Variants in IDO2 observed in about 807,000 individuals in gnomAD.
The protein encoded by IDO2 is indoleamine 2,3-dioxygenase-like 1 protein.
In IDO2, 46 loss-of-function variants were observed where a neutral mutation model predicts 45.1. That is an observed-to-expected ratio of 1.02 (90% CI 0.80 to 1.30). The LOEUF is 1.30. Ranked by LOEUF, IDO2 falls within the 50% of genes most tolerant of loss-of-function variation. The pLI, the probability that IDO2 is intolerant of heterozygous loss-of-function variation, is 0.00. For synonymous variants in IDO2, 218 were observed against 184.9 expected (o/e 1.18, Z -1.45); for missense variants, 544 against 491.8 (o/e 1.11, Z -1.00).
rs773759708 is a variant in IDO2, at chr8:39,961,855, CTCT to C, written c.100-1745_100-1743del. ...TAAACATGGAAATCATCCTCAATTC[CTCT>C]TCTTCTTAGCCCAAAAATTCAATTG... On this transcript the variant is annotated intron_variant, in intron 2 of 10. Transcript: ENST00000502986. 3.9e-5 allele frequency among the ~76,000 whole-genome samples: 6 copies of C among 152,298 alleles called. No homozygotes were observed. The East Asian group carries it at 1.2e-3, about 29-fold the overall frequency.
At chr8:39,949,031 C>T in intron 1 of IDO2, 118 bp from the exon 2 acceptor site, 2 of 1,335,708 alleles carry the variant, frequency 1.5e-6, no homozygotes, top group East Asian at 2.6e-5. Context: ...AATTCAACCT[C>T]AGGGAAAAGT....
chr8:39,979,160 C>T lies in IDO2; in HGVS notation c.289C>T (p.Gln97Ter). 1 of 1,598,234 alleles carries T rather than the reference C, an allele frequency of 6.3e-7. No individual in the cohort carries two copies. The stretch of plus-strand genomic sequence containing the variant: ...CTTCCTCACCATGGGTTATGTCTGG[C>T]AGGAAGGAGAGGCGCAGCCTGCAGA... The change falls in exon 4 of 11, where the codon CAG becomes TAG. Residue 97 changes from glutamine to a stop codon, truncating the protein, a stop_gained. Transcript: ENST00000502986. LOFTEE classifies it high-confidence loss of function.
At chr8:39,992,957 T>C (rs925821852) in intron 8 of IDO2, among the ~76,000 whole-genome samples, 4 of 152,132 alleles carry the variant, frequency 2.6e-5, no homozygotes, top group Non-Finnish European at 4.4e-5. Context: ...TTTCTCAGTT[T>C]TGTAAAGCGC....
exon 11 of IDO2, chr8:40,016,346 T>C: frequency 2.5e-6 from 1 of 394,062 alleles, no homozygotes; most frequent in East Asian, 3.6e-5. Flanking sequence ...GAATAAGTAG[T>C]AAATCAATGT....
At chr8:39,970,063 G>A (rs1808156560) in intron 3 of IDO2, among the ~76,000 whole-genome samples, 1 of 152,292 alleles carries the variant, frequency 6.6e-6, no homozygotes, top group East Asian at 1.9e-4. Context: ...GAAAGCAAAA[G>A]AGCCTTATTG....
chr8:40,002,414 C>T (rs150832802), intron 8 of IDO2, among the ~76,000 whole-genome samples: 340 of 152,288 alleles, frequency 2.2e-3, no homozygotes, highest in African/African-American at 7.8e-3. Flanking sequence ...CGTCACCTTG[C>T]TTTTCTCCTC....
chr8:40,010,449 G>A (rs1039124109), intron 9 of IDO2, among the ~76,000 whole-genome samples: 1 of 152,138 alleles, frequency 6.6e-6, no homozygotes, highest in Non-Finnish European at 1.5e-5. Context: ...GACACGTTTT[G>A]AAAAGAATAA....
chr8:39,963,694 T>G (rs777693155), exon 3 of IDO2: 16 of 1,603,804 alleles, frequency 1.0e-5, no homozygotes, highest in Non-Finnish European at 1.4e-5. Context: ...TTCAAGCTCA[T>G]GTGGACAAGG....
intron 2 of IDO2, among the ~76,000 whole-genome samples, chr8:39,957,172 C>A (rs148307446): frequency 6.6e-6 from 1 of 151,928 alleles, no homozygotes; most frequent in African/African-American, 2.4e-5. Context: ...AAATATATTT[C>A]CAAGGTGACC....
chr8:39,949,341 A>G (rs1807782475), intron 2 of IDO2, 77 bp downstream of exon 2: 3 of 1,091,440 alleles, frequency 2.7e-6, no homozygotes, highest in African/African-American at 1.6e-5. Flanking sequence ...TTAAAAATGT[A>G]TGTGATTATT....
At chr8:40,009,161 C>T (rs747007807) in intron 9 of IDO2, among the ~76,000 whole-genome samples, 185 of 152,224 alleles carry the variant, frequency 1.2e-3, no homozygotes, top group Middle Eastern at 6.8e-3. Context: ...ACTACAGGCA[C>T]CTGCCACAGT....
At chr8:39,973,117 G>T (rs1359968891) in intron 3 of IDO2, among the ~76,000 whole-genome samples, 4 of 152,154 alleles carry the variant, frequency 2.6e-5, no homozygotes, top group African/African-American at 7.2e-5. Context: ...GATGGATGAT[G>T]TTTCACTGTG....
At chr8:39,985,465 T>G (rs1159066903) in intron 5 of IDO2, 43 bp from the exon 6 acceptor site, 1 of 1,517,146 alleles carries the variant, frequency 6.6e-7, no homozygotes, top group Non-Finnish European at 8.9e-7. Flanking sequence ...TTCTTTTATT[T>G]TTTTTCTCTC....
chr8:40,015,799 C>G (rs1370026033), exon 11 of IDO2: 4 of 571,326 alleles, frequency 7.0e-6, no homozygotes, highest in Non-Finnish European at 1.2e-5. Context: ...AAGCCTTTCC[C>G]TCCCTACCTG....
intron 3 of IDO2, among the ~76,000 whole-genome samples, chr8:39,964,907 A>G (rs868163303): frequency 7.9e-5 from 12 of 152,262 alleles, no homozygotes; most frequent in Non-Finnish European, 4.4e-5. Context: ...ATTTAACCAA[A>G]GCAGAGGGAG....
chr8:39,996,073 T>TTAAA (rs1436524049), intron 8 of IDO2, among the ~76,000 whole-genome samples: 1 of 141,644 alleles, frequency 7.1e-6, no homozygotes, highest in South Asian at 2.2e-4. Context: ...TACCTAAGAG[T>TTAAA]AAAAAAAAAA....
chr8:39,988,110 A>C (rs920553130), intron 7 of IDO2, 140 bp downstream of exon 7: 1 of 566,042 alleles, frequency 1.8e-6, no homozygotes, highest in African/African-American at 1.9e-5. Context: ...GAGAGAAGAG[A>C]TCTAAGCTCT....
intron 2 of IDO2, among the ~76,000 whole-genome samples, chr8:39,954,860 T>G (rs1466557972): frequency 6.6e-6 from 1 of 151,684 alleles, no homozygotes; most frequent in Non-Finnish European, 1.5e-5. Context: ...TTTCGCTATT[T>G]TGGTCAGGTT....
At position 40,010,998 on chromosome 8, in the gene IDO2, G is replaced by A. The variant is rs1188025513; in HGVS notation, c.720-2567G>A. Among the ~76,000 whole-genome samples the A allele has an allele frequency of 4.6e-5, 7 of 152,158 alleles. No individual in the cohort carries two copies. In the East Asian group the frequency reaches 1.2e-3, roughly 25 times the overall value. On this transcript the variant is annotated intron_variant, in intron 9 of 10. Transcript: ENST00000502986. ...ACAATCTCAGCTCACTGCAACCTCT[G>A]CCTCTGGGTTCAAGCGATACTCCTG...
Sources: allele counts gnomAD v4.1 joint callset (sites outside exome capture counted in the v4.1 genomes callset), GRCh38; gene constraint gnomAD v4.1.1; transcripts MANE v1.5; gene names NCBI Gene and HGNC (gene_info 2026-07-23, HGNC 2026-07-21).